EFCAB6: variants seen among roughly 807,000 people sequenced by gnomAD.
EFCAB6 encodes EF-hand calcium binding domain 6.
EFCAB6 carries 156 observed loss-of-function variants against 169.8 expected under a neutral mutation model. That is an observed-to-expected ratio of 0.92 (90% CI 0.81 to 1.05). The LOEUF is 1.05. Ranked by LOEUF, EFCAB6 falls within the 50% of genes least tolerant of loss-of-function variation. EFCAB6 has a pLI of 0.00. For synonymous variants in EFCAB6, 698 were observed against 676.4 expected, an observed-to-expected ratio of 1.03 and a Z score of -0.50; for missense variants, 1,800 against 1,829.1, an observed-to-expected ratio of 0.98 and a Z score of 0.29.
At chr22:43,675,807 C>G (rs1260566824) in intron 13 of EFCAB6, among the ~76,000 whole-genome samples, 2 of 149,018 alleles carry the variant, frequency 1.3e-5, no homozygotes, top group African/African-American at 4.9e-5. Context: ...TAATATAACT[C>G]TATATACAAT....
At chr22:43,738,885 G>T (rs182433515) in intron 6 of EFCAB6, among the ~76,000 whole-genome samples, 3 of 152,196 alleles carry the variant, frequency 2.0e-5, no homozygotes, top group Non-Finnish European at 2.9e-5. Flanking sequence ...CTCCTGTCCT[G>T]TTGTAAGGGA....
chr22:43,547,093 C>T (rs1288971931), intron 27 of EFCAB6, among the ~76,000 whole-genome samples: 1 of 151,992 alleles, frequency 6.6e-6, no homozygotes, highest in Non-Finnish European at 1.5e-5. Flanking sequence ...CTGTATAAAA[C>T]AGTCTAATGA....
intron 6 of EFCAB6, 23 bp from the exon 7 acceptor site, chr22:43,736,016 GAA>G (rs2060125204): frequency 6.3e-7 from 1 of 1,589,126 alleles, no homozygotes. Flanking sequence ...AGTGATTTAG[GAA>G]AAGTCAAAAG....
chr22:43,662,981 G>A (rs559595887), intron 17 of EFCAB6, among the ~76,000 whole-genome samples: 3 of 152,310 alleles, frequency 2.0e-5, no homozygotes, highest in African/African-American at 7.2e-5. Flanking sequence ...CACTGAGCCA[G>A]TATCACAGGT....
At chr22:43,615,761 TC>T (rs2147715706) in intron 21 of EFCAB6, 64 bp downstream of exon 21, 1 of 1,411,000 alleles carries the variant, frequency 7.1e-7, no homozygotes. Flanking sequence ...AGCTTCATCA[TC>T]CCAGTGATCT....
At chr22:43,623,131 A>G (rs137719) in intron 20 of EFCAB6, among the ~76,000 whole-genome samples, 15,686 of 152,228 alleles carry the variant, frequency 0.1, 879 homozygotes, top group Admixed American at 0.12. Context: ...TGATGACTGA[A>G]TGATATATTT....
rs75951133 is a variant in EFCAB6, at chr22:43,634,315, A to C, written c.2098+787T>G. ...CTGGCTTCTCATGATGCCATTTTTC[A>C]GGAGTGTGGGACCTCTCTAAGGGGT... is the stretch of plus-strand genomic sequence containing the variant. On this transcript the variant is annotated intron_variant, in intron 18 of 31. Coordinates refer to ENST00000262726, the MANE Select transcript of EFCAB6 (RefSeq NM_022785.4). Among the ~76,000 whole-genome samples, 373 of 152,282 alleles carry C rather than the reference A, an allele frequency of 2.4e-3. 1 individual carries two copies. Among genetic ancestry groups the C allele is most frequent in the African/African-American group, 8.4e-3 (350 of 41,548 alleles).
At chr22:43,634,389 C>A (rs1392814586) in intron 18 of EFCAB6, among the ~76,000 whole-genome samples, 1 of 152,082 alleles carries the variant, frequency 6.6e-6, no homozygotes, top group African/African-American at 2.4e-5. Context: ...AAGGATCCAG[C>A]CTGAGTCTCT....
At chr22:43,589,513 C>A (rs1315655357) in intron 24 of EFCAB6, among the ~76,000 whole-genome samples, 1 of 151,756 alleles carries the variant, frequency 6.6e-6, no homozygotes, top group Admixed American at 6.6e-5. Flanking sequence ...GTTGGCTGGG[C>A]GCAGTGGCTC....
At chr22:43,781,901 T>C (rs2061834710) in intron 3 of EFCAB6, among the ~76,000 whole-genome samples, 1 of 152,182 alleles carries the variant, frequency 6.6e-6, no homozygotes, top group Admixed American at 6.5e-5. Context: ...ATTTACTGAG[T>C]GAGTTTTTAT....
chr22:43,736,560 A>AT (rs1349269635), intron 6 of EFCAB6, among the ~76,000 whole-genome samples: 1 of 151,990 alleles, frequency 6.6e-6, no homozygotes, highest in Non-Finnish European at 1.5e-5. Flanking sequence ...CAGGATATTT[A>AT]TTGGGCTCAC....
chr22:43,611,682 C>T (rs1321613116), intron 21 of EFCAB6, among the ~76,000 whole-genome samples: 1 of 152,034 alleles, frequency 6.6e-6, no homozygotes, highest in East Asian at 1.9e-4. Flanking sequence ...TCTGTGGTCC[C>T]AGCTATTTGG....
intron 30 of EFCAB6, chr22:43,533,595 TC>T (rs2047208927): frequency 6.6e-6 from 1 of 152,208 alleles, no homozygotes; most frequent in African/African-American, 2.4e-5. Context: ...GTTTTCAATA[TC>T]CCCAAAGCCT....
chr22:43,602,030 G>T (rs1311968133), intron 22 of EFCAB6, among the ~76,000 whole-genome samples: 1 of 152,230 alleles, frequency 6.6e-6, no homozygotes. Context: ...TGCAGGCAGG[G>T]TGCAGATAGA....
At chr22:43,574,443 C>G (rs1259624455) in intron 26 of EFCAB6, among the ~76,000 whole-genome samples, 3 of 152,178 alleles carry the variant, frequency 2.0e-5, no homozygotes, top group Admixed American at 2.0e-4. Flanking sequence ...TCTACTCCGC[C>G]TTCCCCAACA....
intron 17 of EFCAB6, among the ~76,000 whole-genome samples, chr22:43,662,898 G>C (rs189595760): frequency 1.9e-3 from 289 of 152,296 alleles, no homozygotes; most frequent in Non-Finnish European, 3.2e-3. Flanking sequence ...ATGACACCCA[G>C]CAAGGGTCTG....
intron 6 of EFCAB6, among the ~76,000 whole-genome samples, chr22:43,754,535 T>C (rs2060886291): frequency 6.6e-6 from 1 of 152,184 alleles, no homozygotes; most frequent in Non-Finnish European, 1.5e-5. Flanking sequence ...TCATAGGCAA[T>C]TGAATGAAAA....
intron 23 of EFCAB6, among the ~76,000 whole-genome samples, chr22:43,599,372 T>C (rs1201013806): frequency 6.6e-6 from 1 of 151,498 alleles, no homozygotes; most frequent in Non-Finnish European, 1.5e-5. Context: ...TAGCTGGTCG[T>C]GGTGGCGTGT....
rs533698163 is a variant in EFCAB6, at chr22:43,704,403, T to G, written c.1031+7072A>C. Among the ~76,000 whole-genome samples the G allele has an allele frequency of 6.4e-4, 97 of 152,272 alleles. 1 individual carries two copies. The highest frequency in any genetic ancestry group is 2.3e-3 in the African/African-American group (95 of 41,566). On this transcript the variant is annotated intron_variant, in intron 10 of 31. Coordinates refer to ENST00000262726, the MANE Select transcript of EFCAB6 (RefSeq NM_022785.4). Reference sequence around the variant, plus strand: ...TAAGTTGAAACAAAAGGCTGCTAATTATTAACATAAAAGTTACAAAAACAC... The same window carrying G: ...TAAGTTGAAACAAAAGGCTGCTAATGATTAACATAAAAGTTACAAAAACAC...
Sources: allele counts gnomAD v4.1 joint callset (sites outside exome capture counted in the v4.1 genomes callset), GRCh38; gene constraint gnomAD v4.1.1; transcripts MANE v1.5; gene names NCBI Gene and HGNC (gene_info 2026-07-23, HGNC 2026-07-21).